The following GNPTAB variants were observed in gnomAD, a reference collection of about 807,000 sequenced individuals.
GNPTAB encodes the protein N-acetylglucosamine-1-phosphate transferase subunits alpha and beta.
A neutral mutation model predicts 136.6 loss-of-function variants in GNPTAB; 92 were observed. That is an observed-to-expected ratio of 0.67 (90% CI 0.57 to 0.80). GNPTAB has a LOEUF of 0.80. GNPTAB is among the 30% of genes least tolerant of loss of function. The probability of loss-of-function intolerance (pLI) is 0.00; values close to 1 mark genes in which losing one functional copy is unlikely to be tolerated. For synonymous variants in GNPTAB, 512 were observed against 535.1 expected, an observed-to-expected ratio of 0.96 and a Z score of 0.60; for missense variants, 1,343 against 1,501.8, an observed-to-expected ratio of 0.89 and a Z score of 1.75.
intron 18 of GNPTAB, among the ~76,000 whole-genome samples, chr12:101,754,285 C>T (rs1952866653): frequency 6.6e-6 from 1 of 151,544 alleles, no homozygotes; most frequent in African/African-American, 2.4e-5. Context: ...AAAAATTAGC[C>T]GGGTGTGGTG....
intron 19 of GNPTAB, among the ~76,000 whole-genome samples, chr12:101,752,780 CT>C (rs1330637648): frequency 1.3e-5 from 2 of 152,204 alleles, no homozygotes; most frequent in African/African-American, 4.8e-5. Context: ...TAAACAATCC[CT>C]TCACTTACAC....
At chr12:101,821,497 T>C (rs994503809) in intron 1 of GNPTAB, among the ~76,000 whole-genome samples, 7 of 152,152 alleles carry the variant, frequency 4.6e-5, no homozygotes, top group Admixed American at 2.0e-4. Context: ...GGCAGCAAAA[T>C]ACAAGATACC....
chr12:101,752,104 A>G (rs1952828348), intron 19 of GNPTAB, among the ~76,000 whole-genome samples: 1 of 152,262 alleles, frequency 6.6e-6, no homozygotes, highest in Non-Finnish European at 1.5e-5. Context: ...GATACTCAAT[A>G]AATTAGCTGA....
intron 7 of GNPTAB, among the ~76,000 whole-genome samples, chr12:101,771,506 A>G (rs1217891541): frequency 6.6e-6 from 1 of 152,154 alleles, no homozygotes; most frequent in Non-Finnish European, 1.5e-5. Context: ...GGCCTCCCAA[A>G]GTGCTGGGAT....
intron 7 of GNPTAB, among the ~76,000 whole-genome samples, chr12:101,774,652 A>G (rs981135683): frequency 6.6e-6 from 1 of 152,244 alleles, no homozygotes; most frequent in African/African-American, 2.4e-5. Flanking sequence ...AATTCTATAA[A>G]TGATTATCAA....
chr12:101,830,426 A>G, intron 1 of GNPTAB, 133 bp downstream of exon 1: 2 of 649,438 alleles, frequency 3.1e-6, no homozygotes, highest in South Asian at 3.2e-5. Context: ...GGAGTTCGAG[A>G]CCAGCCTGGG....
intron 15 of GNPTAB, among the ~76,000 whole-genome samples, chr12:101,760,849 G>A (rs1169972707): frequency 1.4e-5 from 2 of 145,806 alleles, no homozygotes; most frequent in African/African-American, 5.1e-5. Flanking sequence ...GCGCAATCTT[G>A]GCTCACTGCA....
At chr12:101,828,075 A>G (rs539115021) in intron 1 of GNPTAB, among the ~76,000 whole-genome samples, 72 of 152,366 alleles carry the variant, frequency 4.7e-4, no homozygotes, top group African/African-American at 1.6e-3. Flanking sequence ...AATATTAACT[A>G]TATGATCAAA....
At position 101,757,002 on chromosome 12, in the gene GNPTAB, C is replaced by T. The variant is rs1412283131; in HGVS notation, c.3434+210G>A. Reference sequence around the variant, plus strand: ...CTGAACAGCTTGTTATTAATAGAACCCAGTTCTTCGAAGTTCAGGCTCATC... The same window carrying T: ...CTGAACAGCTTGTTATTAATAGAACTCAGTTCTTCGAAGTTCAGGCTCATC... On this transcript the variant is annotated intron_variant, in intron 18 of 20. Coordinates refer to ENST00000299314, the MANE Select transcript of GNPTAB (RefSeq NM_024312.5). 5.8e-6 allele frequency: 3 copies of T among 521,304 alleles called. No individual in the cohort carries two copies. In the East Asian group the frequency reaches 9.5e-5, roughly 16 times the overall value. The allele number at this position is 521,304 out of a possible 1,614,324, so 32.3% of individuals were successfully genotyped here.
chr12:101,769,561 C>T (rs1256101874), intron 10 of GNPTAB, among the ~76,000 whole-genome samples: 1 of 152,046 alleles, frequency 6.6e-6, no homozygotes, highest in East Asian at 1.9e-4. Flanking sequence ...GAGCTTAGCA[C>T]TCAAAAATGA....
chr12:101,811,675 G>T (rs1340104027), intron 1 of GNPTAB, among the ~76,000 whole-genome samples: 2 of 147,780 alleles, frequency 1.4e-5, no homozygotes, highest in Non-Finnish European at 3.0e-5. Flanking sequence ...GTCTCACTGT[G>T]TCACCCAGGC....
intron 1 of GNPTAB, among the ~76,000 whole-genome samples, chr12:101,822,863 C>T (rs1437681784): frequency 6.6e-6 from 1 of 152,128 alleles, no homozygotes; most frequent in African/African-American, 2.4e-5. Flanking sequence ...GCTACACATC[C>T]CACAAGGTGT....
At chr12:101,763,228 A>C (rs1188024158) in intron 13 of GNPTAB, among the ~76,000 whole-genome samples, 3 of 145,098 alleles carry the variant, frequency 2.1e-5, no homozygotes, top group African/African-American at 5.0e-5. Context: ...TCTCAAAAAA[A>C]AAAAAAAAAG....
Position 101,780,641 on chromosome 12 carries a change from A to G in GNPTAB, c.572-20T>C, listed in dbSNP as rs765379791. The G allele has an allele frequency of 1.3e-6, 2 of 1,520,650 alleles. No homozygotes were observed. Among genetic ancestry groups the G allele is most frequent in the South Asian group, 2.2e-5 (2 of 89,100 alleles). The allele number at this position is 1,520,650 out of a possible 1,614,324, so 94.2% of individuals were successfully genotyped here. ...CTTCAACTACAACCAAGAATACAAT[A>G]AACAAGCACATTTTTAATGAATACT... On this transcript the variant is annotated intron_variant, in intron 5 of 20. Coordinates refer to ENST00000299314, the MANE Select transcript of GNPTAB (RefSeq NM_024312.5).
intron 1 of GNPTAB, among the ~76,000 whole-genome samples, chr12:101,822,715 ACT>A (rs111835152): frequency 2.1e-3 from 313 of 152,230 alleles, no homozygotes; most frequent in African/African-American, 7.4e-3. Context: ...AGGACTGAAG[ACT>A]CTAATTGCTG....
At chr12:101,817,621 G>A (rs1851399456) in intron 1 of GNPTAB, among the ~76,000 whole-genome samples, 1 of 152,024 alleles carries the variant, frequency 6.6e-6, no homozygotes, top group South Asian at 2.1e-4. Context: ...CTCCATAAAT[G>A]TGCATAACTA....
intron 1 of GNPTAB, among the ~76,000 whole-genome samples, chr12:101,825,695 A>ATTATG (rs1555276392): frequency 4.2e-5 from 4 of 95,224 alleles, no homozygotes; most frequent in East Asian, 7.8e-4. Context: ...TATAAAATCC[A>ATTATG]TTACAAGTCA....
At position 101,761,720 on chromosome 12, in the gene GNPTAB, C is replaced by T. The variant is rs1441558888; in HGVS notation, c.2759G>A (p.Ser920Asn). ...TTTTAGTTGCCTCCCAGTATTTTTG[C>T]TATCAGTGAAGTATGCCAATTGTGT... ...LKTQLAYFTD[S>N]KNTGRQLKDT... The change falls in exon 14 of 21, where the codon AGC becomes AAC. Residue 920 changes from serine (S) to asparagine (N), a missense_variant. By Grantham distance (46) the Ser-to-Asn change is conservative. Transcript: ENST00000299314. 1 of 1,613,914 alleles carries T rather than the reference C, an allele frequency of 6.2e-7. No homozygotes were observed. The highest frequency in any genetic ancestry group is 1.1e-5 in the South Asian group (1 of 91,082).
chr12:101,793,994 C>G (rs902436950), intron 2 of GNPTAB, among the ~76,000 whole-genome samples: 10 of 152,282 alleles, frequency 6.6e-5, no homozygotes, highest in African/African-American at 2.4e-4. Context: ...TAGGCAACCA[C>G]CACCGCCCTG....
Sources: allele counts gnomAD v4.1 joint callset (sites outside exome capture counted in the v4.1 genomes callset), GRCh38; gene constraint gnomAD v4.1.1; transcripts MANE v1.5; gene names NCBI Gene and HGNC (gene_info 2026-07-23, HGNC 2026-07-21).